Variants in ASIC5 observed in about 807,000 individuals in gnomAD.
ASIC5 encodes bile acid-sensitive ion channel.
ASIC5 carries 52 observed loss-of-function variants against 51.2 expected under a neutral mutation model. The ratio of observed to expected loss-of-function variants is 1.02; its 90% CI spans 0.81 to 1.28. The LOEUF (loss-of-function observed/expected upper bound fraction) is 1.28, where lower values mean the gene tolerates loss of function less well. ASIC5 is among the 50% of genes most tolerant of loss of function. ASIC5 has a pLI of 0.00. For synonymous variants in ASIC5, 231 were observed against 200.7 expected (o/e 1.15, Z -1.28); for missense variants, 635 against 595.0 (o/e 1.07, Z -0.70).
rs1452139769 is a variant in ASIC5 at position 155,854,119 on chromosome 4, A to G, written c.543T>C (p.Thr181=). ...TTCCAAAAAACTCACAGTCCAACAA[A>G]GTGCTATTGTTGAGATAAAAACCTT... The part of the protein sequence containing the change: ...RNKGFYLNNS[T]LLDCEFFGKP... Residue 181 remains threonine (T), a synonymous_variant, in exon 3 of 10, where the codon ACT becomes ACC. Transcript: ENST00000537611. The G allele has an allele frequency of 6.2e-7, 1 of 1,613,108 alleles. No homozygotes were observed. Among genetic ancestry groups the G allele is most frequent in the South Asian group, 1.1e-5 (1 of 91,044 alleles).
At chr4:155,863,347 T>TG (rs1331012068) in intron 2 of ASIC5, 101 bp downstream of exon 2, 23 of 923,160 alleles carry the variant, frequency 2.5e-5, no homozygotes, top group Non-Finnish European at 3.7e-5. Flanking sequence ...TGGTTTTACA[T>TG]ATGATAAGTT....
intron 2 of ASIC5, among the ~76,000 whole-genome samples, chr4:155,857,660 C>A (rs1299912772): frequency 3.9e-5 from 6 of 152,008 alleles, no homozygotes; most frequent in African/African-American, 1.4e-4. Flanking sequence ...GTTATATGAC[C>A]CAAATGAGTA....
In ASIC5 at chr4:155,842,058, TG is replaced by T. The variant is rs1470252878; in HGVS notation, c.1009+148del. On this transcript the variant is annotated intron_variant, in intron 6 of 9. Transcript: ENST00000537611. ...GCTTAAGAATATAATAATTTTTCTG[TG>T]AATGGGTCAGCAACATCTGTAATTA... The T allele has an allele frequency of 4.5e-6, 3 of 670,640 alleles. No homozygotes were observed. In the African/African-American group the frequency reaches 5.5e-5, roughly 12 times the overall value. The allele number at this position is 670,640 out of a possible 1,614,324, so 41.5% of individuals were successfully genotyped here. A position where few individuals can be genotyped will look rare whatever the true frequency, so the allele number is the denominator to read the frequency against.
At chr4:155,833,866 C>G (rs1204841275) in intron 8 of ASIC5, among the ~76,000 whole-genome samples, 2 of 152,080 alleles carry the variant, frequency 1.3e-5, no homozygotes, top group African/African-American at 4.8e-5. Flanking sequence ...TGAAATTGTC[C>G]AGGATTTAAC....
At chr4:155,861,619 T>G (rs1741707861) in intron 2 of ASIC5, among the ~76,000 whole-genome samples, 1 of 152,056 alleles carries the variant, frequency 6.6e-6, no homozygotes, top group South Asian at 2.1e-4. Context: ...AAAAATCCAT[T>G]CTGATAACCT....
intron 2 of ASIC5, among the ~76,000 whole-genome samples, chr4:155,861,728 C>T (rs1043484469): frequency 3.3e-5 from 5 of 151,928 alleles, no homozygotes; most frequent in Non-Finnish European, 7.4e-5. Flanking sequence ...TTCTCTATGT[C>T]TTATGCCTTT....
intron 5 of ASIC5, 24 bp downstream of exon 5, chr4:155,843,657 A>T (rs754111882): frequency 6.2e-7 from 1 of 1,611,728 alleles, no homozygotes; most frequent in Non-Finnish European, 8.5e-7. Flanking sequence ...ACCCCACCTA[A>T]TTTCCTCAGA....
chr4:155,859,287 G>T (rs1390303554), intron 2 of ASIC5, among the ~76,000 whole-genome samples: 1 of 151,778 alleles, frequency 6.6e-6, no homozygotes, highest in Non-Finnish European at 1.5e-5. Context: ...TCTTATTTTT[G>T]TATTGTTTAT....
intron 6 of ASIC5, among the ~76,000 whole-genome samples, chr4:155,840,171 A>G (rs1741085084): frequency 6.6e-6 from 1 of 152,078 alleles, no homozygotes. Flanking sequence ...TTGGTTTAAT[A>G]ATCATAACTT....
At chr4:155,849,442 T>A (rs561303187) in intron 4 of ASIC5, among the ~76,000 whole-genome samples, 1 of 152,186 alleles carries the variant, frequency 6.6e-6, no homozygotes, top group Non-Finnish European at 1.5e-5. Context: ...CTATTCTTGG[T>A]GCACTGTATA....
At chr4:155,836,661 C>A in intron 8 of ASIC5, 28 bp downstream of exon 8, 1 of 1,392,252 alleles carries the variant, frequency 7.2e-7, no homozygotes, top group South Asian at 1.5e-5. Context: ...TGTTAATTAT[C>A]AATAATTTAA....
At chr4:155,860,077 T>G (rs75468861) in intron 2 of ASIC5, among the ~76,000 whole-genome samples, 1 of 152,144 alleles carries the variant, frequency 6.6e-6, no homozygotes, top group East Asian at 1.9e-4. Context: ...CTAGACTATT[T>G]GTTAAGGCTT....
At chr4:155,864,380 A>G (rs892991430) in intron 1 of ASIC5, 1 of 152,212 alleles carries the variant, frequency 6.6e-6, no homozygotes, top group African/African-American at 2.4e-5. Flanking sequence ...CAAGTCTATC[A>G]GGAATCAATC....
intron 4 of ASIC5, among the ~76,000 whole-genome samples, chr4:155,845,536 T>TA (rs201676182): frequency 8.6e-4 from 131 of 151,452 alleles, no homozygotes; most frequent in African/African-American, 2.8e-3. Context: ...ATATCTTTGT[T>TA]AAAAAAAAAT....
chr4:155,842,928 T>C lies in ASIC5; in HGVS notation c.862-574A>G, dbSNP rs535930227. On this transcript the variant is annotated intron_variant, in intron 5 of 9. Transcript: ENST00000537611. The stretch of plus-strand genomic sequence containing the variant: ...GCTGGTAGGTTTCCCACCTCACAGA[T>C]TGAATCTCAGGCCACCACACAGGAA... Among the ~76,000 whole-genome samples, 7 of 152,208 alleles carry C rather than the reference T, an allele frequency of 4.6e-5. No individual in the cohort carries two copies. In the East Asian group the frequency reaches 1.4e-3, roughly 29 times the overall value.
rs138414327 is a variant in ASIC5, at chr4:155,863,695, G to T, written c.100C>A (p.Arg34=). The part of the protein sequence containing the change: ...SKKPLPSPTE[R]KKFDHDFAIS... ...GCAAAGTCATGGTCAAACTTCTTTC[G>T]CTCAGTGGGAGATGGCAGTGGTTTC... Residue 34 remains arginine, a synonymous_variant, in exon 2 of 10, where the codon CGA becomes AGA. Coordinates refer to ENST00000537611, the MANE Select transcript of ASIC5 (RefSeq NM_017419.3). 6.2e-7 allele frequency: 1 copy of T among 1,613,868 alleles called. No individual in the cohort carries two copies. Among genetic ancestry groups the T allele is most frequent in the East Asian group, 2.2e-5 (1 of 44,870 alleles).
At chr4:155,835,108 T>C (rs1264791334) in intron 8 of ASIC5, among the ~76,000 whole-genome samples, 3 of 152,176 alleles carry the variant, frequency 2.0e-5, no homozygotes, top group Admixed American at 6.5e-5. Context: ...TACAGAAGGC[T>C]GTCACACTGG....
chr4:155,844,081 G>T (rs1741182585), intron 4 of ASIC5, among the ~76,000 whole-genome samples: 1 of 151,966 alleles, frequency 6.6e-6, no homozygotes, highest in Admixed American at 6.6e-5. Flanking sequence ...AATAATTGAG[G>T]CTTGTCTCAT....
chr4:155,851,767 C>G (rs1678778257), intron 4 of ASIC5, among the ~76,000 whole-genome samples: 1 of 151,894 alleles, frequency 6.6e-6, no homozygotes, highest in African/African-American at 2.4e-5. Flanking sequence ...TGTTTTCCAT[C>G]ACTTTTCCAG....
Sources: allele counts gnomAD v4.1 joint callset (sites outside exome capture counted in the v4.1 genomes callset), GRCh38; gene constraint gnomAD v4.1.1; transcripts MANE v1.5; gene names NCBI Gene and HGNC (gene_info 2026-07-23, HGNC 2026-07-21).